EIF4EBP2: variants seen among roughly 807,000 people sequenced by gnomAD.
EIF4EBP2 encodes eukaryotic translation initiation factor 4E-binding protein 2.
In EIF4EBP2, 5 loss-of-function variants were observed where a neutral mutation model predicts 10.3. That is an observed-to-expected ratio of 0.48 (90% confidence interval 0.25 to 1.02). The LOEUF (loss-of-function observed/expected upper bound fraction) is 1.02, where lower values mean the gene tolerates loss of function less well. EIF4EBP2 is among the 50% of genes least tolerant of loss of function. The pLI is 0.15. For missense variants in EIF4EBP2, 188 were observed against 162.2 expected (o/e 1.16, Z -0.86); for synonymous variants, 67 against 61.1 (o/e 1.10, Z -0.45).
rs555316092 is a variant in EIF4EBP2, at chr10:70,412,026, A to G, written c.145+7480A>G. Among the ~76,000 whole-genome samples the G allele has an allele frequency of 2.0e-5, 3 of 152,266 alleles. No homozygotes were observed. The South Asian group carries it at 6.2e-4, about 32-fold the overall frequency. ...AGATTCCCTCATTTTTTAAATGGCA[A>G]GGTGCTAAACCCCAGGATATAGACT... On this transcript the variant is annotated intron_variant, in intron 1 of 2. Coordinates refer to ENST00000373218, the MANE Select transcript of EIF4EBP2 (RefSeq NM_004096.5).
chr10:70,416,298 T>C (rs887110374), intron 1 of EIF4EBP2, among the ~76,000 whole-genome samples: 3 of 152,186 alleles, frequency 2.0e-5, no homozygotes, highest in African/African-American at 7.2e-5. Context: ...CAGGCAGTTC[T>C]GGCCGGGCGC....
rs985716150 is a variant in EIF4EBP2 at position 70,427,671 on chromosome 10, C to T, written c.*5924C>T. 3.9e-5 allele frequency: 6 copies of T among 152,174 alleles called. No homozygotes were observed. Among genetic ancestry groups the T allele is most frequent in the African/African-American group, 1.4e-4 (6 of 41,422 alleles). The allele number at this position is 152,174 out of a possible 1,614,324, so 9.4% of individuals were successfully genotyped here. A position where few individuals can be genotyped will look rare whatever the true frequency, so the allele number is the denominator to read the frequency against. ...ATTCTCTTTGCTTATGGCTCTCTGC[C>T]TGCAGCCCTGGCAGACCATACTGTA... On this transcript the variant is annotated 3_prime_UTR_variant, in exon 3 of 3. Transcript: ENST00000373218.
intron 1 of EIF4EBP2, among the ~76,000 whole-genome samples, chr10:70,411,048 ATC>A (rs1457657970): frequency 5.3e-5 from 8 of 152,136 alleles, no homozygotes; most frequent in Non-Finnish European, 8.8e-5. Flanking sequence ...TTAATACACT[ATC>A]TCTTGATGTT....
At chr10:70,416,977 T>G (rs1482309043) in intron 1 of EIF4EBP2, among the ~76,000 whole-genome samples, 1 of 152,186 alleles carries the variant, frequency 6.6e-6, no homozygotes, top group Non-Finnish European at 1.5e-5. Flanking sequence ...CTTTTTTAGT[T>G]TGGTATATAC....
At chr10:70,406,489 T>G (rs1187303748) in intron 1 of EIF4EBP2, among the ~76,000 whole-genome samples, 1 of 151,892 alleles carries the variant, frequency 6.6e-6, no homozygotes, top group Non-Finnish European at 1.5e-5. Context: ...ACAACTGCAC[T>G]CAGCTATAAT....
intron 1 of EIF4EBP2, among the ~76,000 whole-genome samples, chr10:70,412,518 T>C (rs1429888567): frequency 6.6e-6 from 1 of 152,190 alleles, no homozygotes; most frequent in African/African-American, 2.4e-5. Flanking sequence ...ACTATATAGC[T>C]TAATGCATGG....
chr10:70,420,173 A>G, intron 2 of EIF4EBP2, 74 bp downstream of exon 2: 2 of 1,422,758 alleles, frequency 1.4e-6, no homozygotes, highest in Non-Finnish European at 1.9e-6. Flanking sequence ...GTAGGTTGAG[A>G]AGCTATTGAT....
chr10:70,420,695 G>T (rs1419763995), intron 2 of EIF4EBP2, among the ~76,000 whole-genome samples: 1 of 152,154 alleles, frequency 6.6e-6, no homozygotes, highest in South Asian at 2.1e-4. Flanking sequence ...AGGACTTCCT[G>T]GCCTAGGCTT....
intron 1 of EIF4EBP2, 56 bp from the exon 2 acceptor site, chr10:70,419,858 T>A: frequency 8.1e-7 from 1 of 1,240,912 alleles, no homozygotes; most frequent in Non-Finnish European, 1.1e-6. Flanking sequence ...CTGGGTGGTA[T>A]TATATGTTGA....
rs977212791 is a variant in EIF4EBP2 at position 70,422,111 on chromosome 10, C to A, written c.*364C>A. On this transcript the variant is annotated 3_prime_UTR_variant, in exon 3 of 3. Transcript: ENST00000373218. ...TTGTCCCAAATCAAATATCAACCTA[C>A]CAACAACTGCCTGGCTGGGAAGTCT... is the stretch of plus-strand genomic sequence containing the variant. 1.8e-5 allele frequency: 4 copies of A among 222,624 alleles called. No homozygotes were observed. The Admixed American group carries it at 2.1e-4, about 11-fold the overall frequency. 13.8% of individuals were successfully genotyped at this position (222,624 alleles called of 1,614,324 possible).
At chr10:70,407,229 G>T (rs1382675600) in intron 1 of EIF4EBP2, among the ~76,000 whole-genome samples, 6 of 151,952 alleles carry the variant, frequency 3.9e-5, no homozygotes, top group African/African-American at 1.5e-4. Flanking sequence ...GTGAACAAAG[G>T]TCTCTGGTTT....
In EIF4EBP2 at chr10:70,415,091, T is replaced by G. The variant is rs183881235; in HGVS notation, c.146-4823T>G. 4.0e-5 allele frequency among the ~76,000 whole-genome samples: 6 copies of G among 149,826 alleles called. No homozygotes were observed. In the South Asian group the frequency reaches 6.3e-4, roughly 16 times the overall value. ...GAGGACCGCTTGAGCCCAGGAGGTG[T>G]AGGTTGCAGTGAGCCAAGATTGCAC... is the stretch of plus-strand genomic sequence containing the variant. On this transcript the variant is annotated intron_variant, in intron 1 of 2. Coordinates refer to ENST00000373218, the MANE Select transcript of EIF4EBP2 (RefSeq NM_004096.5).
At chr10:70,408,565 A>G (rs1316381210) in intron 1 of EIF4EBP2, among the ~76,000 whole-genome samples, 5 of 152,198 alleles carry the variant, frequency 3.3e-5, no homozygotes. Flanking sequence ...CGGTTTGTGT[A>G]TCTCTAATGC....
chr10:70,410,843 G>A (rs572129032), intron 1 of EIF4EBP2, among the ~76,000 whole-genome samples: 133 of 152,308 alleles, frequency 8.7e-4, no homozygotes, highest in Admixed American at 4.6e-3. Context: ...GACATAGCTG[G>A]AGAATTGTCA....
chr10:70,423,661 C>T lies in EIF4EBP2; in HGVS notation c.*1914C>T, dbSNP rs556293805. 2.0e-5 allele frequency: 3 copies of T among 152,604 alleles called. No individual in the cohort carries two copies. The highest frequency in any genetic ancestry group is 7.2e-5 in the African/African-American group (3 of 41,538). 9.5% of individuals were successfully genotyped at this position (152,604 alleles called of 1,614,324 possible). ...GTTTTTCTTTTGAACTATGAAAAGA[C>T]CCTGTTTGTGAATATATTTTAGAAA... On this transcript the variant is annotated 3_prime_UTR_variant, in exon 3 of 3. Coordinates refer to ENST00000373218, the MANE Select transcript of EIF4EBP2 (RefSeq NM_004096.5).
At chr10:70,416,241 T>TAA (rs1174543128) in intron 1 of EIF4EBP2, among the ~76,000 whole-genome samples, 4 of 152,176 alleles carry the variant, frequency 2.6e-5, no homozygotes, top group Admixed American at 1.3e-4. Context: ...TTAGAACTCT[T>TAA]ACACACTGCT....
chr10:70,415,026 CAT>C (rs760230852), intron 1 of EIF4EBP2, among the ~76,000 whole-genome samples: 7 of 151,710 alleles, frequency 4.6e-5, no homozygotes, highest in Non-Finnish European at 8.8e-5. Context: ...TTCTGGGTGA[CAT>C]GTGCCTGTAG....
intron 1 of EIF4EBP2, among the ~76,000 whole-genome samples, chr10:70,412,975 A>G (rs1291893590): frequency 6.6e-6 from 1 of 152,258 alleles, no homozygotes; most frequent in East Asian, 1.9e-4. Context: ...GCCAGTAGAC[A>G]GCCACTTTCA....
In EIF4EBP2 at chr10:70,404,506, C is replaced by T. The variant is rs766860177; in HGVS notation, c.105C>T (p.Cys35=). The change falls in exon 1 of 3, where the codon TGC becomes TGT. Residue 35 remains cysteine, a synonymous_variant. Transcript: ENST00000373218. The stretch of plus-strand genomic sequence containing the variant: ...CCGCGCAGCTACCTCATGACTATTG[C>T]ACCACGCCCGGGGGGACGCTCTTCT... ...SDAAQLPHDY[C]TTPGGTLFST... 60 of 1,594,414 alleles carry T rather than the reference C, an allele frequency of 3.8e-5. No individual in the cohort carries two copies. In the Admixed American group the frequency reaches 1.0e-3, roughly 27 times the overall value.
Sources: gnomAD v4.1 joint callset for allele counts (sites outside exome capture counted in the v4.1 genomes callset) on GRCh38, gnomAD v4.1.1 for gene constraint, MANE v1.5 for transcripts, NCBI Gene and HGNC (gene_info 2026-07-23, HGNC 2026-07-21) for gene names.